Variants in ADK observed in about 807,000 individuals in gnomAD.
The protein encoded by ADK is N6,N6-dimethyladenosine kinase.
ADK carries 24 observed loss-of-function variants against 44.7 expected under a neutral mutation model. That is an observed-to-expected ratio of 0.54 (90% CI 0.39 to 0.76). ADK has a LOEUF of 0.76. Among genes scored for constraint, ADK ranks in the 30% least tolerant of loss-of-function variants. The probability of loss-of-function intolerance (pLI) is 0.00; values close to 1 mark genes in which losing one functional copy is unlikely to be tolerated. For synonymous variants in ADK, 128 were observed against 142.6 expected, an observed-to-expected ratio of 0.90 and a Z score of 0.73; for missense variants, 321 against 425.1, an observed-to-expected ratio of 0.76 and a Z score of 2.15.
intron 3 of ADK, among the ~76,000 whole-genome samples, chr10:74,279,645 A>AT (rs1484460971): frequency 2.3e-4 from 35 of 150,512 alleles, no homozygotes; most frequent in African/African-American, 8.5e-4. Flanking sequence ...CAAACTTTTG[A>AT]TTTTTTCTTT....
chr10:74,666,542 C>T (rs1281825745), intron 9 of ADK, among the ~76,000 whole-genome samples: 1 of 152,006 alleles, frequency 6.6e-6, no homozygotes, highest in Non-Finnish European at 1.5e-5. Flanking sequence ...ATCTTAAGCT[C>T]TTAGGTAGAA....
intron 3 of ADK, among the ~76,000 whole-genome samples, chr10:74,311,844 A>G (rs566009243): frequency 7.4e-4 from 113 of 152,302 alleles, no homozygotes; most frequent in African/African-American, 2.7e-3. Context: ...CAGCATAGAT[A>G]TAGATAAGTA....
At chr10:74,216,932 C>T (rs867136229) in intron 2 of ADK, among the ~76,000 whole-genome samples, 30 of 152,150 alleles carry the variant, frequency 2.0e-4, no homozygotes, top group Admixed American at 3.9e-4. Context: ...CAGCTCCCAG[C>T]GTGAGCGATG....
chr10:74,692,981 G>A (rs1352152623), intron 10 of ADK, among the ~76,000 whole-genome samples: 2 of 152,122 alleles, frequency 1.3e-5, no homozygotes, highest in African/African-American at 4.8e-5. Flanking sequence ...TAGCTACCAT[G>A]GGCTGGAGCT....
At chr10:74,621,326 T>C (rs1258992686) in intron 9 of ADK, among the ~76,000 whole-genome samples, 1 of 152,200 alleles carries the variant, frequency 6.6e-6, no homozygotes, top group East Asian at 1.9e-4. Flanking sequence ...TTGAAGAAAC[T>C]GTGCTTTCTC....
At chr10:74,385,537 A>T (rs949689624) in intron 4 of ADK, among the ~76,000 whole-genome samples, 2 of 152,218 alleles carry the variant, frequency 1.3e-5, no homozygotes, top group African/African-American at 2.4e-5. Flanking sequence ...AGACTTCTTT[A>T]TCCATTATTA....
chr10:74,653,702 T>C (rs1240162103), intron 9 of ADK, among the ~76,000 whole-genome samples: 1 of 152,216 alleles, frequency 6.6e-6, no homozygotes, highest in African/African-American at 2.4e-5. Flanking sequence ...TGACTTCTGC[T>C]TAAATTGGAT....
intron 4 of ADK, among the ~76,000 whole-genome samples, chr10:74,365,512 A>G (rs1157302597): frequency 6.6e-6 from 1 of 152,208 alleles, no homozygotes; most frequent in Non-Finnish European, 1.5e-5. Flanking sequence ...TTTGTTATTC[A>G]TTCATCAATT....
rs750021991 is a variant in ADK at position 74,456,334 on chromosome 10, A to G, written c.555+57755A>G. 9.9e-5 allele frequency among the ~76,000 whole-genome samples: 15 copies of G among 152,226 alleles called. No individual in the cohort carries two copies. In the East Asian group the frequency reaches 2.9e-3, roughly 29 times the overall value. On this transcript the variant is annotated intron_variant, in intron 6 of 10. Transcript: ENST00000539909. ...AGCAAAATAATAGAAATCATAAAAAACACTTTCTCAGACCACAGTGCGATC... is the reference window on the plus strand; with the variant it reads ...AGCAAAATAATAGAAATCATAAAAAGCACTTTCTCAGACCACAGTGCGATC...
intron 3 of ADK, among the ~76,000 whole-genome samples, chr10:74,303,496 A>G (rs973760488): frequency 1.3e-5 from 2 of 151,588 alleles, no homozygotes; most frequent in Admixed American, 1.3e-4. Flanking sequence ...TTTAAACTTC[A>G]GCAAACTTGT....
chr10:74,205,414 G>A (rs757822674), intron 2 of ADK, among the ~76,000 whole-genome samples: 1 of 152,072 alleles, frequency 6.6e-6, no homozygotes, highest in Non-Finnish European at 1.5e-5. Context: ...GGTGGCTCAC[G>A]CCTGTAATCC....
chr10:74,673,482 C>T (rs116124369), intron 10 of ADK, among the ~76,000 whole-genome samples: 125 of 152,276 alleles, frequency 8.2e-4, no homozygotes, highest in African/African-American at 2.8e-3. Flanking sequence ...GGTGAGCACA[C>T]GTGAGCAGGT....
intron 7 of ADK, among the ~76,000 whole-genome samples, chr10:74,554,887 A>G (rs751351551): frequency 1.3e-5 from 2 of 152,226 alleles, no homozygotes; most frequent in African/African-American, 2.4e-5. Context: ...ATGCAAATGT[A>G]GCTTATTTTA....
At chr10:74,387,524 A>G (rs536713804) in intron 4 of ADK, among the ~76,000 whole-genome samples, 2 of 152,284 alleles carry the variant, frequency 1.3e-5, no homozygotes, top group East Asian at 1.9e-4. Flanking sequence ...GGCATGTGCT[A>G]TATGCTGTAT....
chr10:74,157,418 A>G (rs906918541), intron 1 of ADK, among the ~76,000 whole-genome samples: 2 of 152,206 alleles, frequency 1.3e-5, no homozygotes, highest in African/African-American at 2.4e-5. Context: ...AAAAACATGA[A>G]TCAAAAATAG....
At chr10:74,670,021 T>A (rs1172038473) in intron 9 of ADK, among the ~76,000 whole-genome samples, 162 bp from the exon 10 acceptor site, 1 of 152,204 alleles carries the variant, frequency 6.6e-6, no homozygotes, top group Non-Finnish European at 1.5e-5. Flanking sequence ...TTGCAGATGA[T>A]TTTGCACCTT....
intron 9 of ADK, among the ~76,000 whole-genome samples, chr10:74,652,632 C>T (rs751835123): frequency 7.3e-5 from 11 of 151,546 alleles, no homozygotes; most frequent in Non-Finnish European, 1.2e-4. Context: ...TAGTGGTGGG[C>T]GCCTATAATC....
intron 6 of ADK, among the ~76,000 whole-genome samples, chr10:74,469,661 G>T (rs1480028905): frequency 6.6e-6 from 1 of 152,292 alleles, no homozygotes. Context: ...ACCGTGCCCA[G>T]TCTATCTTAA....
chr10:74,229,558 C>T (rs931657482), intron 3 of ADK, among the ~76,000 whole-genome samples: 7 of 152,006 alleles, frequency 4.6e-5, no homozygotes, highest in East Asian at 1.9e-4. Context: ...CCACCACGCC[C>T]GGCTAATTTT....
Sources: gnomAD v4.1 joint callset for allele counts (sites outside exome capture counted in the v4.1 genomes callset) on GRCh38, gnomAD v4.1.1 for gene constraint, MANE v1.5 for transcripts, NCBI Gene and HGNC (gene_info 2026-07-23, HGNC 2026-07-21) for gene names.